The following ADAMTSL3 variants were observed in gnomAD, a reference collection of about 807,000 sequenced individuals.
The protein encoded by ADAMTSL3 is ADAMTS-like protein 3.
Under a neutral mutation model 201.7 loss-of-function variants are expected in ADAMTSL3, and 128 were observed. The ratio of observed to expected loss-of-function variants is 0.63; its 90% CI spans 0.55 to 0.73. The LOEUF (loss-of-function observed/expected upper bound fraction) is 0.73. ADAMTSL3 is among the 30% of genes least tolerant of loss of function. ADAMTSL3 has a pLI of 0.00. For synonymous variants in ADAMTSL3, 738 were observed against 748.4 expected (o/e 0.99, Z 0.23); for missense variants, 1,990 against 2,119.6 (o/e 0.94, Z 1.20).
intron 24 of ADAMTSL3, 134 bp from the exon 25 acceptor site, chr15:84,016,249 G>A: frequency 1.5e-6 from 1 of 664,218 alleles, no homozygotes. Flanking sequence ...CTGTGGTCAT[G>A]AGCTTGAGTA....
chr15:83,873,797 G>C lies in ADAMTSL3; in HGVS notation c.960+2838G>C, dbSNP rs776219032. Among the ~76,000 whole-genome samples, 8 of 145,918 alleles carry C rather than the reference G, an allele frequency of 5.5e-5. 1 individual carries two copies. Among genetic ancestry groups the C allele is most frequent in the Non-Finnish European group, 9.0e-5 (6 of 66,824 alleles). ...TACTTCACCATCTGCTTTGTCAGCA[G>C]AGCTGTTTGCCCTGCGGATTTGACA... is the stretch of plus-strand genomic sequence containing the variant. On this transcript the variant is annotated intron_variant, in intron 9 of 29. Transcript: ENST00000286744.
intron 3 of ADAMTSL3, among the ~76,000 whole-genome samples, chr15:83,712,097 C>A (rs1019667): frequency 0.84 from 127,390 of 152,106 alleles, 53,864 homozygotes; most frequent in East Asian, 0.96. Context: ...CATATCCTCA[C>A]AGCCTTCAAG....
chr15:83,820,271 T>C (rs2063840948), intron 6 of ADAMTSL3, among the ~76,000 whole-genome samples: 1 of 152,120 alleles, frequency 6.6e-6, no homozygotes, highest in Non-Finnish European at 1.5e-5. Flanking sequence ...ATAGATGAGG[T>C]TTCATTATGT....
intron 13 of ADAMTSL3, among the ~76,000 whole-genome samples, chr15:83,895,881 G>T (rs1286993445): frequency 6.6e-6 from 1 of 152,126 alleles, no homozygotes; most frequent in African/African-American, 2.4e-5. Context: ...TTTGTTCAGT[G>T]GTTTCAAGAG....
At chr15:83,663,822 T>G (rs2141367879) in intron 2 of ADAMTSL3, among the ~76,000 whole-genome samples, 1 of 152,374 alleles carries the variant, frequency 6.6e-6, no homozygotes, top group Non-Finnish European at 1.5e-5. Flanking sequence ...AGTTATTGGC[T>G]AGATCCAGTG....
intron 15 of ADAMTSL3, among the ~76,000 whole-genome samples, chr15:83,911,613 C>T (rs1337765567): frequency 6.6e-6 from 1 of 152,198 alleles, no homozygotes; most frequent in Non-Finnish European, 1.5e-5. Context: ...GGGTTCCCCA[C>T]TAACAATTTT....
At chr15:83,988,871 A>G (rs1490207354) in intron 22 of ADAMTSL3, 53 bp downstream of exon 22, 2 of 1,023,698 alleles carry the variant, frequency 2.0e-6, no homozygotes, top group African/African-American at 1.8e-5. Context: ...TTTTATTTTT[A>G]TTTATTTATT....
intron 3 of ADAMTSL3, among the ~76,000 whole-genome samples, chr15:83,706,632 T>G (rs1596062031): frequency 6.6e-6 from 1 of 152,014 alleles, no homozygotes; most frequent in African/African-American, 2.4e-5. Flanking sequence ...CTGATTCTCT[T>G]TCCTCTTTTT....
chr15:83,727,576 T>C (rs1805420338), intron 3 of ADAMTSL3, among the ~76,000 whole-genome samples: 1 of 152,040 alleles, frequency 6.6e-6, no homozygotes, highest in Non-Finnish European at 1.5e-5. Flanking sequence ...TGGTATGTTG[T>C]GTTTCCATTT....
At chr15:83,822,555 C>T (rs1199003015) in intron 6 of ADAMTSL3, among the ~76,000 whole-genome samples, 17 of 139,612 alleles carry the variant, frequency 1.2e-4, no homozygotes, top group South Asian at 1.2e-3. Context: ...ACATCCCAGA[C>T]GGGGCGGCGG....
intron 14 of ADAMTSL3, among the ~76,000 whole-genome samples, chr15:83,898,548 G>A (rs1363265699): frequency 1.3e-5 from 2 of 152,096 alleles, no homozygotes; most frequent in Non-Finnish European, 2.9e-5. Context: ...CGTTCCCAGT[G>A]GAGATCTATG....
chr15:83,872,627 C>G (rs1480826), intron 9 of ADAMTSL3, among the ~76,000 whole-genome samples: 3,049 of 140,958 alleles, frequency 0.022, 191 homozygotes, highest in African/African-American at 0.08. Flanking sequence ...CACACACACA[C>G]AGAGTTTTTG....
intron 2 of ADAMTSL3, among the ~76,000 whole-genome samples, chr15:83,662,980 G>T (rs1383595077): frequency 6.6e-6 from 1 of 152,150 alleles, no homozygotes; most frequent in Non-Finnish European, 1.5e-5. Context: ...TCCTGCAGCA[G>T]GTAGTCCAGC....
At chr15:83,756,273 G>T (rs1295831229) in intron 3 of ADAMTSL3, among the ~76,000 whole-genome samples, 1 of 152,114 alleles carries the variant, frequency 6.6e-6, no homozygotes, top group Non-Finnish European at 1.5e-5. Flanking sequence ...ACCCAAAACT[G>T]GGTAATTTAT....
chr15:83,994,586 GTTTTTTTTTT>G (rs3045402), intron 23 of ADAMTSL3, among the ~76,000 whole-genome samples: 14 of 50,226 alleles, frequency 2.8e-4, no homozygotes, highest in Non-Finnish European at 4.0e-4. Flanking sequence ...TTGTTTTTTC[GTTTTTTTTTT>G]TTTTTTTTTT....
chr15:83,830,413 A>C (rs754153086), intron 6 of ADAMTSL3, among the ~76,000 whole-genome samples: 4 of 152,216 alleles, frequency 2.6e-5, no homozygotes, highest in Non-Finnish European at 4.4e-5. Context: ...ATAGCTTTCT[A>C]TATAGTAGCG....
intron 3 of ADAMTSL3, among the ~76,000 whole-genome samples, chr15:83,736,654 T>C (rs1056937532): frequency 6.6e-6 from 1 of 152,298 alleles, no homozygotes; most frequent in African/African-American, 2.4e-5. Context: ...GAAATTGGCA[T>C]GTGGCCCTGT....
At chr15:83,829,345 T>C (rs2064099914) in intron 6 of ADAMTSL3, among the ~76,000 whole-genome samples, 1 of 152,348 alleles carries the variant, frequency 6.6e-6, no homozygotes, top group South Asian at 2.1e-4. Flanking sequence ...TGATGGTAGT[T>C]TGTATTTCTG....
At chr15:83,892,610 CT>C in intron 12 of ADAMTSL3, 73 bp from the exon 13 acceptor site, 3 of 1,464,456 alleles carry the variant, frequency 2.0e-6, no homozygotes, top group Non-Finnish European at 2.8e-6. Context: ...TAAGGCCATA[CT>C]TTTTGCCACC....
Sources: gnomAD v4.1 joint callset for allele counts (sites outside exome capture counted in the v4.1 genomes callset) on GRCh38, gnomAD v4.1.1 for gene constraint, MANE v1.5 for transcripts, NCBI Gene and HGNC (gene_info 2026-07-23, HGNC 2026-07-21) for gene names.